LMTK2: variants seen among roughly 807,000 people sequenced by gnomAD.
The protein encoded by LMTK2 is lemur tail kinase 2.
Under a neutral mutation model 127.5 loss-of-function variants are expected in LMTK2, and 37 were observed. The ratio of observed to expected loss-of-function variants is 0.29; its 90% CI spans 0.22 to 0.38. LMTK2 has a LOEUF of 0.38. Ranked by LOEUF, LMTK2 falls within the 10% of genes least tolerant of loss-of-function variation. The pLI, the probability that LMTK2 is intolerant of heterozygous loss-of-function variation, is 1.00. For missense variants in LMTK2, 1,694 were observed against 1,920.3 expected, an observed-to-expected ratio of 0.88 and a Z score of 2.20; for synonymous variants, 819 against 810.1, an observed-to-expected ratio of 1.01 and a Z score of -0.19.
rs114737800 is a variant in LMTK2 at position 98,175,023 on chromosome 7, G to A, written c.791+3349G>A. Among the ~76,000 whole-genome samples, 1,149 of 152,274 alleles carry A rather than the reference G, an allele frequency of 7.5e-3. 16 individuals are homozygous for A. Among genetic ancestry groups the A allele is most frequent in the African/African-American group, 0.026 (1,062 of 41,550 alleles). On this transcript the variant is annotated intron_variant, in intron 7 of 13. Transcript: ENST00000297293. ...TCGTCAGGGCCACCCCACGTGCCAC[G>A]AGGCAGGTGCCATTATTCATCCCAG...
intron 2 of LMTK2, among the ~76,000 whole-genome samples, 166 bp downstream of exon 2, chr7:98,137,608 C>T (rs948979385): frequency 2.0e-5 from 3 of 152,150 alleles, no homozygotes; most frequent in Admixed American, 1.3e-4. Context: ...ATATTGTGGG[C>T]CATACAGTCT....
chr7:98,200,816 TTTG>T (rs138102097), intron 11 of LMTK2, among the ~76,000 whole-genome samples: 126 of 151,834 alleles, frequency 8.3e-4, no homozygotes, highest in African/African-American at 1.6e-3. Flanking sequence ...TATTATTTAT[TTTG>T]TTGTTGTTGT....
intron 10 of LMTK2, 88 bp downstream of exon 10, chr7:98,190,965 T>A (rs186116976): frequency 8.0e-7 from 1 of 1,242,512 alleles, no homozygotes; most frequent in East Asian, 2.3e-5. Flanking sequence ...CCAAATATTA[T>A]GTTTCTTCAT....
intron 2 of LMTK2, among the ~76,000 whole-genome samples, chr7:98,137,743 C>T (rs1469574779): frequency 3.3e-5 from 5 of 152,178 alleles, no homozygotes; most frequent in South Asian, 2.1e-4. Flanking sequence ...TAGTTTGCTC[C>T]GCCTCTGTCA....
chr7:98,152,367 C>T (rs531330875), intron 4 of LMTK2, among the ~76,000 whole-genome samples: 4 of 152,228 alleles, frequency 2.6e-5, no homozygotes, highest in Non-Finnish European at 4.4e-5. Flanking sequence ...GGATGCACTT[C>T]CCAGTAGTCA....
intron 1 of LMTK2, among the ~76,000 whole-genome samples, chr7:98,120,400 C>T (rs769872511): frequency 2.0e-5 from 3 of 151,988 alleles, no homozygotes; most frequent in Non-Finnish European, 4.4e-5. Context: ...GAAGTAAATC[C>T]CCAAGACATC....
intron 6 of LMTK2, among the ~76,000 whole-genome samples, chr7:98,160,066 A>C (rs535062028): frequency 2.0e-5 from 3 of 152,174 alleles, no homozygotes; most frequent in Non-Finnish European, 2.9e-5. Flanking sequence ...CTTTTCCCGC[A>C]TGCAGAATAT....
chr7:98,209,062 G>A lies in LMTK2; in HGVS notation c.*3570G>A, dbSNP rs931326379. On this transcript the variant is annotated 3_prime_UTR_variant, in exon 14 of 14. Transcript: ENST00000297293. The stretch of plus-strand genomic sequence containing the variant: ...TTCAGAAGTGAACCAAGGGTTAGAC[G>A]CCAGAGGTTGGGCTTCTGTTAGAGT... 12 of 152,302 alleles carry A rather than the reference G, an allele frequency of 7.9e-5. No homozygotes were observed. The highest frequency in any genetic ancestry group is 5.9e-4 in the Admixed American group (9 of 15,288). 9.4% of individuals were successfully genotyped at this position (152,302 alleles called of 1,614,324 possible).
At chr7:98,205,390 T>G in intron 13 of LMTK2, 74 bp from the exon 14 acceptor site, 1 of 1,565,370 alleles carries the variant, frequency 6.4e-7, no homozygotes, top group Admixed American at 1.7e-5. Context: ...GCAGCGCACA[T>G]GCCATCCACG....
chr7:98,150,295 G>A (rs1248019474), intron 3 of LMTK2, among the ~76,000 whole-genome samples: 12 of 142,722 alleles, frequency 8.4e-5, no homozygotes, highest in Admixed American at 2.2e-4. Context: ...GTGACAGAGC[G>A]AGACCCTGTC....
Position 98,128,838 on chromosome 7 carries a change from A to G in LMTK2, c.104-8477A>G, listed in dbSNP as rs1408227729. 4.6e-5 allele frequency among the ~76,000 whole-genome samples: 7 copies of G among 152,292 alleles called. No individual in the cohort carries two copies. In the East Asian group the frequency reaches 1.4e-3, roughly 29 times the overall value. On this transcript the variant is annotated intron_variant, in intron 1 of 13. Transcript: ENST00000297293. ...TAAACACCTGTTTTTGAGGGAGAAC[A>G]TAAATTGGAGGAAATCCACTTTTTG...
At chr7:98,166,043 G>A (rs1797093252) in intron 6 of LMTK2, among the ~76,000 whole-genome samples, 2 of 152,252 alleles carry the variant, frequency 1.3e-5, no homozygotes, top group South Asian at 4.1e-4. Context: ...AATGGCCTTG[G>A]CCCTCCCCAC....
chr7:98,157,695 C>T (rs1584269181), intron 5 of LMTK2, among the ~76,000 whole-genome samples: 1 of 149,966 alleles, frequency 6.7e-6, no homozygotes, highest in East Asian at 2.0e-4. Flanking sequence ...CTTGGATGAC[C>T]TCAGGGGGAT....
chr7:98,178,333 C>T (rs764999240), intron 7 of LMTK2, among the ~76,000 whole-genome samples: 2 of 152,184 alleles, frequency 1.3e-5, no homozygotes, highest in Non-Finnish European at 2.9e-5. Flanking sequence ...CCCGAAGACG[C>T]GCAAACTAGT....
chr7:98,208,162 G>A lies in LMTK2; in HGVS notation c.*2670G>A, dbSNP rs1360096244. 6.6e-6 allele frequency: 1 copy of A among 151,900 alleles called. No homozygotes were observed. The highest frequency in any genetic ancestry group is 1.5e-5 in the Non-Finnish European group (1 of 67,980). The allele number at this position is 151,900 out of a possible 1,614,324, so 9.4% of individuals were successfully genotyped here. A position where few individuals can be genotyped will look rare whatever the true frequency, so the allele number is the denominator to read the frequency against. The stretch of plus-strand genomic sequence containing the variant: ...TAATTCCCATTTTTATTTATTTTGA[G>A]TCACTCATAATTAATTGCCAAAAAA... On this transcript the variant is annotated 3_prime_UTR_variant, in exon 14 of 14. Coordinates refer to ENST00000297293, the MANE Select transcript of LMTK2 (RefSeq NM_014916.4).
intron 1 of LMTK2, among the ~76,000 whole-genome samples, chr7:98,114,832 T>C (rs1252165831): frequency 6.6e-6 from 1 of 152,202 alleles, no homozygotes; most frequent in Admixed American, 6.5e-5. Flanking sequence ...TTCCTGCTTC[T>C]GTAAGTGCTG....
chr7:98,195,822 A>C (rs73406026), intron 11 of LMTK2, among the ~76,000 whole-genome samples: 21,017 of 152,134 alleles, frequency 0.14, 1,615 homozygotes, highest in East Asian at 0.21. Flanking sequence ...GGTTTTTATG[A>C]TGTTTCTTTA....
intron 11 of LMTK2, among the ~76,000 whole-genome samples, chr7:98,195,302 G>A (rs982722520): frequency 1.3e-5 from 2 of 152,250 alleles, no homozygotes; most frequent in South Asian, 2.1e-4. Context: ...GAAGCCCTGC[G>A]GTGGGTGTCT....
At chr7:98,184,660 C>T (rs1411009929) in intron 7 of LMTK2, among the ~76,000 whole-genome samples, 2 of 151,992 alleles carry the variant, frequency 1.3e-5, no homozygotes, top group Non-Finnish European at 2.9e-5. Flanking sequence ...GGACACATGT[C>T]GTCAGGACCT....
Sources: gnomAD v4.1 joint callset for allele counts (sites outside exome capture counted in the v4.1 genomes callset) on GRCh38, gnomAD v4.1.1 for gene constraint, MANE v1.5 for transcripts, NCBI Gene and HGNC (gene_info 2026-07-23, HGNC 2026-07-21) for gene names.